WWOX: variants seen among roughly 807,000 people sequenced by gnomAD.
WWOX encodes the protein WW domain containing oxidoreductase.
A neutral mutation model predicts 46.2 loss-of-function variants in WWOX; 69 were observed. That is an observed-to-expected ratio of 1.49 (90% CI 1.23 to 1.82). The LOEUF (loss-of-function observed/expected upper bound fraction) is 1.82. WWOX is among the 40% of genes most tolerant of loss of function. The pLI is 0.00. For missense variants in WWOX, 919 were observed against 542.6 expected, an observed-to-expected ratio of 1.69 and a Z score of -6.89; for synonymous variants, 359 against 202.6, an observed-to-expected ratio of 1.77 and a Z score of -6.56.
At chr16:78,334,846 A>G (rs1413412295) in intron 5 of WWOX, among the ~76,000 whole-genome samples, 35 of 140,866 alleles carry the variant, frequency 2.5e-4, no homozygotes, top group African/African-American at 1.1e-3. Context: ...ACACACACAC[A>G]CACACACACA....
intron 8 of WWOX, among the ~76,000 whole-genome samples, chr16:79,154,580 T>G (rs1307164692): frequency 6.6e-6 from 1 of 151,704 alleles, no homozygotes; most frequent in Admixed American, 6.6e-5. Flanking sequence ...GGATATTCGA[T>G]GGCAATTTTG....
chr16:79,112,711 A>C (rs1157010491), intron 8 of WWOX, among the ~76,000 whole-genome samples: 1 of 152,190 alleles, frequency 6.6e-6, no homozygotes, highest in Non-Finnish European at 1.5e-5. Context: ...CATAGTCGTA[A>C]AGTTTATTGC....
intron 8 of WWOX, among the ~76,000 whole-genome samples, chr16:79,173,110 AAATCCATTGTT>A (rs2050733423): frequency 6.6e-6 from 1 of 152,190 alleles, no homozygotes; most frequent in Non-Finnish European, 1.5e-5. Flanking sequence ...TCCCAACATA[AAATCCATTGTT>A]AATCACATTT....
chr16:78,566,511 C>T (rs528816082), intron 8 of WWOX, among the ~76,000 whole-genome samples: 2 of 152,278 alleles, frequency 1.3e-5, no homozygotes, highest in African/African-American at 4.8e-5. Flanking sequence ...AATTGTGAGG[C>T]ATCCATGTGA....
intron 4 of WWOX, among the ~76,000 whole-genome samples, chr16:78,122,628 G>A (rs560240423): frequency 6.7e-5 from 10 of 148,202 alleles, no homozygotes; most frequent in Admixed American, 6.1e-4. Flanking sequence ...TTTTTGAGAC[G>A]GTGCCTTGCT....
intron 8 of WWOX, among the ~76,000 whole-genome samples, chr16:79,058,614 C>G (rs1427837141): frequency 1.3e-5 from 2 of 152,032 alleles, no homozygotes; most frequent in African/African-American, 2.4e-5. Flanking sequence ...ATGAAGCTGG[C>G]CTAATCCCTG....
intron 8 of WWOX, among the ~76,000 whole-genome samples, chr16:78,709,941 G>T (rs974388584): frequency 6.6e-6 from 1 of 152,038 alleles, no homozygotes; most frequent in Admixed American, 6.6e-5. Flanking sequence ...ATGTTGCCCA[G>T]GATGGTCTTG....
At chr16:78,758,742 T>G (rs181118269) in intron 8 of WWOX, among the ~76,000 whole-genome samples, 1 of 152,178 alleles carries the variant, frequency 6.6e-6, no homozygotes, top group Non-Finnish European at 1.5e-5. Context: ...AGTTAAAAAT[T>G]TATACTCACT....
chr16:78,993,758 G>C (rs768161726), intron 8 of WWOX, among the ~76,000 whole-genome samples: 10 of 152,330 alleles, frequency 6.6e-5, no homozygotes, highest in East Asian at 1.9e-4. Context: ...ACACTCGCCA[G>C]ACTCCATGGC....
At chr16:78,973,525 CTTTA>C (rs1334352417) in intron 8 of WWOX, among the ~76,000 whole-genome samples, 3 of 152,158 alleles carry the variant, frequency 2.0e-5, no homozygotes, top group Admixed American at 6.5e-5. Flanking sequence ...CGAAGCCTCC[CTTTA>C]TTTATTTATT....
chr16:78,205,950 TCCTTTCTTTCCTCCCTC>T (rs962821085), intron 5 of WWOX, among the ~76,000 whole-genome samples: 56 of 151,632 alleles, frequency 3.7e-4, no homozygotes, highest in Non-Finnish European at 6.5e-4. Context: ...TTTTGTTCCT[TCCTTTCTTTCCTCCCTC>T]CCTTTCTTTC....
intron 8 of WWOX, among the ~76,000 whole-genome samples, chr16:78,672,126 G>T (rs2047479189): frequency 6.6e-6 from 1 of 152,116 alleles, no homozygotes; most frequent in African/African-American, 2.4e-5. Context: ...GATACCGGCA[G>T]GGCAGCAAAT....
chr16:78,335,090 C>T (rs2080857238), intron 5 of WWOX, among the ~76,000 whole-genome samples: 1 of 152,108 alleles, frequency 6.6e-6, no homozygotes, highest in African/African-American at 2.4e-5. Flanking sequence ...CATAATGAAT[C>T]AGAAGCTTGT....
chr16:79,126,019 T>G (rs894299380), intron 8 of WWOX, among the ~76,000 whole-genome samples: 1 of 152,200 alleles, frequency 6.6e-6, no homozygotes, highest in Non-Finnish European at 1.5e-5. Context: ...AGTAGATGTT[T>G]ACTGAATGAA....
At chr16:78,871,946 C>T (rs2044138242) in intron 8 of WWOX, among the ~76,000 whole-genome samples, 1 of 152,182 alleles carries the variant, frequency 6.6e-6, no homozygotes, top group African/African-American at 2.4e-5. Context: ...TTCTTCCAGC[C>T]ATGCCCTAGG....
intron 8 of WWOX, among the ~76,000 whole-genome samples, chr16:78,566,151 G>C (rs936833734): frequency 1.3e-5 from 2 of 152,098 alleles, no homozygotes; most frequent in Non-Finnish European, 1.5e-5. Context: ...AAGGGGTCTG[G>C]AACCTTTCTC....
intron 8 of WWOX, among the ~76,000 whole-genome samples, chr16:78,590,581 G>C (rs539690347): frequency 2.0e-5 from 3 of 152,226 alleles, no homozygotes; most frequent in Non-Finnish European, 4.4e-5. Context: ...ACTAGGTGTT[G>C]AGGAGACATA....
chr16:79,035,514 T>C (rs542899244), intron 8 of WWOX, among the ~76,000 whole-genome samples: 1 of 152,108 alleles, frequency 6.6e-6, no homozygotes, highest in Non-Finnish European at 1.5e-5. Flanking sequence ...GAGGTGTGTC[T>C]GGGGGAAAGA....
intron 8 of WWOX, among the ~76,000 whole-genome samples, chr16:78,804,350 G>T (rs1457482047): frequency 6.6e-6 from 1 of 151,668 alleles, no homozygotes; most frequent in East Asian, 1.9e-4. Context: ...CTCTGACTTT[G>T]ACTTTTGCTC....
Sources: gnomAD v4.1 joint callset for allele counts (sites outside exome capture counted in the v4.1 genomes callset) on GRCh38, gnomAD v4.1.1 for gene constraint, MANE v1.5 for transcripts, NCBI Gene and HGNC (gene_info 2026-07-23, HGNC 2026-07-21) for gene names.